The following SLC7A8 variants were observed in gnomAD, a reference collection of about 807,000 sequenced individuals.
SLC7A8 encodes large neutral amino acids transporter small subunit 2.
A neutral mutation model predicts 51.2 loss-of-function variants in SLC7A8; 30 were observed. That is an observed-to-expected ratio of 0.59 (90% CI 0.44 to 0.80). The LOEUF (loss-of-function observed/expected upper bound fraction) is 0.80. Among genes scored for constraint, SLC7A8 ranks in the 30% least tolerant of loss-of-function variants. The pLI is 0.00. For missense variants in SLC7A8, 612 were observed against 674.4 expected (o/e 0.91, Z 1.03); for synonymous variants, 257 against 275.8 (o/e 0.93, Z 0.67).
chr14:23,128,285 C>T lies in SLC7A8; in HGVS notation c.1264-89G>A. ...TGGGGCATTCTCTCTCTTCTTCACC[C>T]ACAGAGACACATCCTCAAGGGCAAA... On this transcript the variant is annotated intron_variant, in intron 9 of 10. Coordinates refer to ENST00000316902, the MANE Select transcript of SLC7A8 (RefSeq NM_012244.4). This position sits in a 1 kb window ranked among gnomAD's most constrained non-coding sequence, Gnocchi z 4.3. 1 of 1,568,620 alleles carries T rather than the reference C, an allele frequency of 6.4e-7. No individual in the cohort carries two copies. Among genetic ancestry groups the T allele is most frequent in the East Asian group, 2.3e-5 (1 of 42,708 alleles).
In SLC7A8 at chr14:23,126,011, A is replaced by C. The variant is rs1262928268; in HGVS notation, c.*1166T>G. ...GGGGGATTATTGGAGTTGGGGATGG[A>C]TGGGAAAGGAACTGGGCTTCAGCCA... is the stretch of plus-strand genomic sequence containing the variant. On this transcript the variant is annotated 3_prime_UTR_variant, in exon 11 of 11. Transcript: ENST00000316902. 6.5e-6 allele frequency: 1 copy of C among 152,872 alleles called. No homozygotes were observed. The highest frequency in any genetic ancestry group is 2.4e-5 in the African/African-American group (1 of 41,438). The allele number at this position is 152,872 out of a possible 1,614,324, so 9.5% of individuals were successfully genotyped here.
rs549127527 is a variant in SLC7A8 at position 23,126,900 on chromosome 14, C to T, written c.*277G>A. On this transcript the variant is annotated 3_prime_UTR_variant, in exon 11 of 11. Coordinates refer to ENST00000316902, the MANE Select transcript of SLC7A8 (RefSeq NM_012244.4). ...GGGTGTGGCCCGGAGGGAGGTCCTGCAGGGCACCTTGGCATCTCCCCTCTC... is the reference window on the plus strand; with the variant it reads ...GGGTGTGGCCCGGAGGGAGGTCCTGTAGGGCACCTTGGCATCTCCCCTCTC... The T allele has an allele frequency of 1.4e-5, 7 of 490,044 alleles. No homozygotes were observed. In the East Asian group the frequency reaches 2.5e-4, roughly 17 times the overall value. 30.4% of individuals were successfully genotyped at this position (490,044 alleles called of 1,614,324 possible).
chr14:23,129,729 T>C lies in SLC7A8; in HGVS notation c.1184A>G (p.Asn395Ser), dbSNP rs1365286941. ...YTLINYVGFI[N>S]YLFYGVTVAG... ...AACCGTGACCCCATAGAAGAGGTAG[T>C]TGATGAAGCCCACATAGTTGATGAG... is the stretch of plus-strand genomic sequence containing the variant. Residue 395 changes from asparagine to serine, a missense_variant, in exon 9 of 11, where the codon AAC (asparagine) becomes AGC (serine). Coordinates refer to ENST00000316902, the MANE Select transcript of SLC7A8 (RefSeq NM_012244.4). 2.0e-5 allele frequency: 33 copies of C among 1,614,078 alleles called. No homozygotes were observed. Among genetic ancestry groups the C allele is most frequent in the Admixed American group, 2.0e-4 (12 of 60,002 alleles).
chr14:23,140,378 G>A (rs1443437738), intron 5 of SLC7A8, 93 bp downstream of exon 5: 8 of 1,308,494 alleles, frequency 6.1e-6, no homozygotes, highest in Non-Finnish European at 8.5e-6. Flanking sequence ...GCTTTGGAAG[G>A]CGAGGTGGGC....
intron 7 of SLC7A8, among the ~76,000 whole-genome samples, chr14:23,132,360 T>C (rs2048645148): frequency 6.6e-6 from 1 of 152,076 alleles, no homozygotes; most frequent in South Asian, 2.1e-4. Flanking sequence ...AGTAGGGAAT[T>C]GGTGGTGGAA....
At position 23,173,473 on chromosome 14, in the gene SLC7A8, A is replaced by G. The variant is rs139543043; in HGVS notation, c.152-6933T>C. ...TCAGTCTTCTTACTGGATCAGTCCA[A>G]CTGAAATTTCAGAACCAAAATTATT... On this transcript the variant is annotated intron_variant, in intron 1 of 10. Transcript: ENST00000316902. 1.2e-4 allele frequency among the ~76,000 whole-genome samples: 18 copies of G among 152,316 alleles called. No homozygotes were observed. The East Asian group carries it at 2.1e-3, about 18-fold the overall frequency.
chr14:23,183,646 G>A lies in SLC7A8; in HGVS notation c.-732C>T, dbSNP rs1877293756. The A allele has an allele frequency of 6.6e-6, 1 of 152,274 alleles. No individual in the cohort carries two copies. The highest frequency in any genetic ancestry group is 1.5e-5 in the Non-Finnish European group (1 of 68,090). 9.4% of individuals were successfully genotyped at this position (152,274 alleles called of 1,614,324 possible). On this transcript the variant is annotated 5_prime_UTR_variant, in exon 1 of 11. Coordinates refer to ENST00000316902, the MANE Select transcript of SLC7A8 (RefSeq NM_012244.4). ...CCATCCCTCTGGTTTCGGGAGAGTGGCTTCTCCACACACTAACGTGCTTCT... is the reference window on the plus strand; with the variant it reads ...CCATCCCTCTGGTTTCGGGAGAGTGACTTCTCCACACACTAACGTGCTTCT...
In SLC7A8 at chr14:23,166,392, G is replaced by A. The variant is rs570646129; in HGVS notation, c.300C>T (p.Ile100=). ...AGGAGTAGTCACCTCCAGATTTGGG[G>A]ATGGTGACCCCGAGTTCAGCATAGC... is the stretch of plus-strand genomic sequence containing the variant. ...ALCYAELGVT[I]PKSGGDYSYV... The change falls in exon 2 of 11, where the codon ATC becomes ATT. Residue 100 remains isoleucine (I), a synonymous_variant. Coordinates refer to ENST00000316902, the MANE Select transcript of SLC7A8 (RefSeq NM_012244.4). 6.2e-7 allele frequency: 1 copy of A among 1,614,156 alleles called. No homozygotes were observed. Among genetic ancestry groups the A allele is most frequent in the Non-Finnish European group, 8.5e-7 (1 of 1,180,034 alleles).
At chr14:23,168,437 A>C (rs1325037443) in intron 1 of SLC7A8, among the ~76,000 whole-genome samples, 1 of 152,228 alleles carries the variant, frequency 6.6e-6, no homozygotes, top group Non-Finnish European at 1.5e-5. Flanking sequence ...CAGGTTTGCT[A>C]ATAGTGCTGA....
intron 3 of SLC7A8, among the ~76,000 whole-genome samples, chr14:23,144,978 G>A (rs2048778968): frequency 6.7e-6 from 1 of 149,874 alleles, no homozygotes; most frequent in Non-Finnish European, 1.5e-5. Flanking sequence ...TGTCGCTCAG[G>A]CTGGAGTGCA....
intron 1 of SLC7A8, among the ~76,000 whole-genome samples, chr14:23,167,124 G>A (rs1466109672): frequency 6.6e-6 from 1 of 152,228 alleles, no homozygotes; most frequent in Non-Finnish European, 1.5e-5. Context: ...ACTCCTGGAG[G>A]CTGGCTTCTA....
intron 1 of SLC7A8, among the ~76,000 whole-genome samples, chr14:23,180,590 T>C (rs1469294352): frequency 6.6e-6 from 1 of 152,224 alleles, no homozygotes; most frequent in Non-Finnish European, 1.5e-5. Flanking sequence ...AGAATTGCCA[T>C]TCTAGTTACT....
chr14:23,140,215 G>A (rs1310592395), intron 5 of SLC7A8, among the ~76,000 whole-genome samples: 2 of 152,188 alleles, frequency 1.3e-5, no homozygotes, highest in Admixed American at 6.5e-5. Flanking sequence ...CTCTAAGGCA[G>A]TAGTGTTACT....
rs749779021 is a variant in SLC7A8 at position 23,137,873 on chromosome 14, G to T, written c.1016+48C>A. On this transcript the variant is annotated intron_variant, in intron 7 of 10. Coordinates refer to ENST00000316902, the MANE Select transcript of SLC7A8 (RefSeq NM_012244.4). ...GCCCACCATATACAAATAGCAAAGT[G>T]CACAGCAGAGTGGCCCCTGGCCGGG... 4.4e-6 allele frequency: 7 copies of T among 1,602,728 alleles called. No individual in the cohort carries two copies. The Admixed American group carries it at 5.2e-5, about 12-fold the overall frequency.
At chr14:23,168,309 A>G (rs1330906791) in intron 1 of SLC7A8, among the ~76,000 whole-genome samples, 2 of 152,214 alleles carry the variant, frequency 1.3e-5, no homozygotes, top group African/African-American at 2.4e-5. Context: ...CAGGGACTAC[A>G]AAACCTGCTT....
At chr14:23,162,881 G>A (rs1279550304) in intron 3 of SLC7A8, among the ~76,000 whole-genome samples, 1 of 152,078 alleles carries the variant, frequency 6.6e-6, no homozygotes, top group Non-Finnish European at 1.5e-5. Context: ...AACAGCCTCG[G>A]GGGTTCTTGA....
intron 1 of SLC7A8, among the ~76,000 whole-genome samples, chr14:23,171,817 A>T (rs931107942): frequency 3.9e-5 from 6 of 152,120 alleles, no homozygotes; most frequent in African/African-American, 1.4e-4. Context: ...CATGCCTCTC[A>T]CCCTGTTTAC....
chr14:23,149,567 C>T (rs8007275), intron 3 of SLC7A8, among the ~76,000 whole-genome samples: 19,199 of 152,168 alleles, frequency 0.13, 3,083 homozygotes, highest in African/African-American at 0.38. Context: ...TAGAAAGCTA[C>T]GAGATTATTA....
intron 3 of SLC7A8, among the ~76,000 whole-genome samples, chr14:23,145,546 ATT>A (rs34346623): frequency 1.6e-3 from 29 of 18,530 alleles, no homozygotes; most frequent in Middle Eastern, 0.022. Flanking sequence ...AGAAAAAAAA[ATT>A]TTTTTTTTTT....
Sources: allele counts gnomAD v4.1 joint callset (sites outside exome capture counted in the v4.1 genomes callset), GRCh38; gene constraint gnomAD v4.1.1; non-coding constraint Gnocchi (gnomAD v3.1); transcripts MANE v1.5; gene names NCBI Gene and HGNC (gene_info 2026-07-23, HGNC 2026-07-21).